MELTF: variants seen among roughly 807,000 people sequenced by gnomAD.
MELTF encodes antigen p97 (melanoma associated) identified by monoclonal antibodies 133.2 and 96.5.
Under a neutral mutation model 83.7 loss-of-function variants are expected in MELTF, and 67 were observed. The ratio of observed to expected loss-of-function variants is 0.80; its 90% CI spans 0.66 to 0.98. MELTF has a LOEUF of 0.98. MELTF is among the 50% of genes least tolerant of loss of function. The pLI, the probability that MELTF is intolerant of heterozygous loss-of-function variation, is 0.00. For synonymous variants in MELTF, 462 were observed against 447.6 expected (o/e 1.03, Z -0.41); for missense variants, 1,002 against 1,035.6 (o/e 0.97, Z 0.44).
At chr3:197,009,846 C>T (rs757960972) in intron 10 of MELTF, 34 bp from the exon 11 acceptor site, 10 of 1,587,158 alleles carry the variant, frequency 6.3e-6, no homozygotes, top group Non-Finnish European at 7.8e-6. Flanking sequence ...AGGGGCCCCT[C>T]ATCTGAGAGC....
Position 197,003,361 on chromosome 3 carries a change from G to T in MELTF, c.*11C>A, listed in dbSNP as rs1336737682. The T allele has an allele frequency of 1.9e-6, 2 of 1,072,516 alleles. No homozygotes were observed. The highest frequency in any genetic ancestry group is 3.4e-5 in the African/African-American group (2 of 58,628). 66.4% of individuals were successfully genotyped at this position (1,072,516 alleles called of 1,614,324 possible). ...GGCGGGCATCGGAGCTCTGGGGCGG[G>T]GCGGCCGGGCTCAGAGGGCGGGCGG... On this transcript the variant is annotated 3_prime_UTR_variant, in exon 16 of 16. Transcript: ENST00000296350. This position sits in a 1 kb window ranked among gnomAD's most constrained non-coding sequence, Gnocchi z 6.2.
intron 6 of MELTF, among the ~76,000 whole-genome samples, chr3:197,018,340 A>G (rs1719485667): frequency 6.7e-6 from 1 of 149,948 alleles, no homozygotes; most frequent in Admixed American, 6.7e-5. Flanking sequence ...TTTATTAGAG[A>G]TGGGGTTTTA....
chr3:197,018,787 G>A (rs1172723687), intron 6 of MELTF, among the ~76,000 whole-genome samples: 2 of 152,162 alleles, frequency 1.3e-5, no homozygotes, highest in East Asian at 3.8e-4. Context: ...ATAGTTGACA[G>A]GCAATTTTGC....
rs775947807 is a variant in MELTF at position 197,008,628 on chromosome 3, C to A, written c.1750+29G>T. On this transcript the variant is annotated intron_variant, in intron 13 of 15. Coordinates refer to ENST00000296350, the MANE Select transcript of MELTF (RefSeq NM_005929.6). The surrounding 1 kb of genome is among the most constrained non-coding windows in gnomAD (Gnocchi z 5.4). ...GATGGGGAACAGTCCCCCCGACCTA[C>A]CTTTGGCCCTGCTCTTGCCCCCACC... The A allele has an allele frequency of 1.2e-6, 2 of 1,608,350 alleles. No homozygotes were observed. The highest frequency in any genetic ancestry group is 1.7e-6 in the Non-Finnish European group (2 of 1,176,628).
chr3:197,007,505 C>A lies in MELTF; in HGVS notation c.1751-769G>T, dbSNP rs1364603165. On this transcript the variant is annotated intron_variant, in intron 13 of 15. Coordinates refer to ENST00000296350, the MANE Select transcript of MELTF (RefSeq NM_005929.6). This position sits in a 1 kb window ranked among gnomAD's most constrained non-coding sequence, Gnocchi z 4.3. ...CGGGTGACTCACTGCAAGTGAACCTCCCAAGGCCTCTCCAGCACCTGCCCG... is the reference window on the plus strand; with the variant it reads ...CGGGTGACTCACTGCAAGTGAACCTACCAAGGCCTCTCCAGCACCTGCCCG... Among the ~76,000 whole-genome samples the A allele has an allele frequency of 1.3e-5, 2 of 152,226 alleles. No individual in the cohort carries two copies. Among genetic ancestry groups the A allele is most frequent in the African/African-American group, 4.8e-5 (2 of 41,446 alleles).
chr3:197,006,466 G>A lies in MELTF; in HGVS notation c.1938+83C>T, dbSNP rs921602240. 3.0e-5 allele frequency: 39 copies of A among 1,287,272 alleles called. No homozygotes were observed. In the African/African-American group the frequency reaches 4.4e-4, roughly 14 times the overall value. 79.7% of individuals were successfully genotyped at this position (1,287,272 alleles called of 1,614,324 possible). ...GCTTCCTCAATTTCTCTAGAGGTCT[G>A]CTCCAGGTAGACTGAGGCCTCCCAG... On this transcript the variant is annotated intron_variant, in intron 14 of 15. Coordinates refer to ENST00000296350, the MANE Select transcript of MELTF (RefSeq NM_005929.6). The surrounding 1 kb of genome is among the most constrained non-coding windows in gnomAD (Gnocchi z 5.4).
rs530710201 is a variant in MELTF at position 197,029,420 on chromosome 3, C to T, written c.49+234G>A. 62 of 388,208 alleles carry T rather than the reference C, an allele frequency of 1.6e-4. No individual in the cohort carries two copies. In the East Asian group the frequency reaches 2.0e-3, roughly 12 times the overall value. The allele number at this position is 388,208 out of a possible 1,614,324, so 24.0% of individuals were successfully genotyped here. A position where few individuals can be genotyped will look rare whatever the true frequency, so the allele number is the denominator to read the frequency against. On this transcript the variant is annotated intron_variant, in intron 1 of 15. Coordinates refer to ENST00000296350, the MANE Select transcript of MELTF (RefSeq NM_005929.6). The surrounding 1 kb of genome is among the most constrained non-coding windows in gnomAD (Gnocchi z 6.5). ...CAGCCCGCGCTTCTCCTTGGAGCGT[C>T]GGAAGCCTCGGGTGTTCGAGGCCGC...
At chr3:197,014,383 G>GTTTTTTTTTTTTTTT (rs71623319) in intron 9 of MELTF, among the ~76,000 whole-genome samples, 1 of 101,052 alleles carries the variant, frequency 9.9e-6, no homozygotes, top group African/African-American at 4.1e-5. Flanking sequence ...AATAGGGAGA[G>GTTTTTTTTTTTTTTT]TTTTTTTTTT....
chr3:197,027,543 G>A (rs913451627), intron 2 of MELTF, among the ~76,000 whole-genome samples: 11 of 152,240 alleles, frequency 7.2e-5, no homozygotes, highest in African/African-American at 1.9e-4. Flanking sequence ...CTTTGCTGGC[G>A]CCCTCTGAGC....
rs1355274497 is a variant in MELTF at position 197,011,552 on chromosome 3, T to C, written c.1234-758A>G. ...CCAGGAAGGTGTCCCACGCCATTCC[T>C]GAAGAGGCATGAAGTGATGGCGGTT... On this transcript the variant is annotated intron_variant, in intron 9 of 15. Transcript: ENST00000296350. This position sits in a 1 kb window ranked among gnomAD's most constrained non-coding sequence, Gnocchi z 4.2. Among the ~76,000 whole-genome samples the C allele has an allele frequency of 6.6e-6, 1 of 152,204 alleles. No individual in the cohort carries two copies. Among genetic ancestry groups the C allele is most frequent in the Non-Finnish European group, 1.5e-5 (1 of 68,020 alleles).
chr3:197,006,626 G>C lies in MELTF; in HGVS notation c.1861C>G (p.Gln621Glu). Reference protein sequence around the residue: ...VSQFAACNLAQIPPHAVMVRP... With the variant: ...VSQFAACNLAEIPPHAVMVRP... ...ACCATCACGGCGTGGGGTGGTATCTGTGCCAGGTTGCAGGCTGCAAACTGG... is the reference window on the plus strand; with the variant it reads ...ACCATCACGGCGTGGGGTGGTATCTCTGCCAGGTTGCAGGCTGCAAACTGG... The change falls in exon 14 of 16, where the codon CAG (glutamine) becomes GAG (glutamate). Residue 621 changes from glutamine (Q) to glutamate (E), a missense_variant. Physicochemically the swap from Gln to Glu is conservative, Grantham distance 29. Transcript: ENST00000296350. The surrounding 1 kb of genome is among the most constrained non-coding windows in gnomAD (Gnocchi z 5.4). The C allele has an allele frequency of 6.2e-7, 1 of 1,612,950 alleles. No homozygotes were observed. Among genetic ancestry groups the C allele is most frequent in the South Asian group, 1.1e-5 (1 of 90,974 alleles).
rs141260750 is a variant in MELTF at position 197,008,846 on chromosome 3, T to C, written c.1645A>G (p.Ser549Gly). The C allele has an allele frequency of 7.7e-5, 124 of 1,614,030 alleles. No individual in the cohort carries two copies. The highest frequency in any genetic ancestry group is 1.0e-4 in the Non-Finnish European group (121 of 1,180,032). ...CGGTAGCCGTAATACCGCTCCTGGC[T>C]GTTGCCCACACACTTGTTGCGGCCC... is the stretch of plus-strand genomic sequence containing the variant. ...EQGRNKCVGN[S>G]QERYYGYRGA... Residue 549 changes from serine (S) to glycine (G), a missense_variant, in exon 12 of 16, where the codon AGC (serine) becomes GGC (glycine). Physicochemically the swap from Ser to Gly is moderately conservative, Grantham distance 56. Transcript: ENST00000296350. This position sits in a 1 kb window ranked among gnomAD's most constrained non-coding sequence, Gnocchi z 5.4.
At position 197,027,822 on chromosome 3, in the gene MELTF, C is replaced by T. The variant is rs762621747; in HGVS notation, c.138G>A (p.Ala46=). 77 of 1,611,072 alleles carry T rather than the reference C, an allele frequency of 4.8e-5. No homozygotes were observed. Among genetic ancestry groups the T allele is most frequent in the Non-Finnish European group, 5.4e-5 (64 of 1,179,186 alleles). Residue 46 remains alanine, a synonymous_variant, in exon 2 of 16, where the codon GCG becomes GCA. Coordinates refer to ENST00000296350, the MANE Select transcript of MELTF (RefSeq NM_005929.6). ...CGNMSEAFRE[A]GIQPSLLCVR... is the part of the protein sequence containing the mutation. ...CGCAGAGGAGGGAGGGCTGGATGCC[C>T]GCTTCCCGGAAGGCCTCGCTCATGT...
chr3:197,021,350 G>A, intron 6 of MELTF, 54 bp downstream of exon 6: 1 of 1,581,936 alleles, frequency 6.3e-7, no homozygotes. Context: ...CCTGCCCCAA[G>A]CCGGCCTGGC....
chr3:197,021,511 C>G, intron 5 of MELTF, 40 bp from the exon 6 acceptor site: 1 of 1,586,900 alleles, frequency 6.3e-7, no homozygotes, highest in South Asian at 1.1e-5. Context: ...GGCTGAGCCC[C>G]TGCCCCTGCC....
At chr3:197,012,525 C>T (rs2148582046) in intron 9 of MELTF, among the ~76,000 whole-genome samples, 1 of 152,392 alleles carries the variant, frequency 6.6e-6, no homozygotes, top group Non-Finnish European at 1.5e-5. Flanking sequence ...GGTTCCCTGG[C>T]CTGGGCAGAG....
At chr3:197,015,652 C>T in intron 8 of MELTF, 136 bp from the exon 9 acceptor site, 2 of 963,810 alleles carry the variant, frequency 2.1e-6, no homozygotes, top group Non-Finnish European at 3.0e-6. Context: ...CATCGGATCC[C>T]ACTTCCTCAC....
chr3:197,025,616 T>A (rs1719821426), intron 3 of MELTF: 1 of 152,480 alleles, frequency 6.6e-6, no homozygotes, highest in East Asian at 1.9e-4. Flanking sequence ...TGCATGCTTA[T>A]GACCAGCGGG....
At position 197,003,758 on chromosome 3, in the gene MELTF, C is replaced by A; in HGVS notation, c.2137+143G>T. 3.7e-6 allele frequency: 3 copies of A among 819,306 alleles called. No individual in the cohort carries two copies. The highest frequency in any genetic ancestry group is 1.8e-5 in the African/African-American group (1 of 57,132). 50.8% of individuals were successfully genotyped at this position (819,306 alleles called of 1,614,324 possible). A position where few individuals can be genotyped will look rare whatever the true frequency, so the allele number is the denominator to read the frequency against. ...CGGCCCGCAGCCTCCTGGCCAAAAT[C>A]CTCCCGGGACACCCCACCTGGACTG... On this transcript the variant is annotated intron_variant, in intron 15 of 15. Coordinates refer to ENST00000296350, the MANE Select transcript of MELTF (RefSeq NM_005929.6). The surrounding 1 kb of genome is among the most constrained non-coding windows in gnomAD (Gnocchi z 6.2).
Sources: allele counts gnomAD v4.1 joint callset (sites outside exome capture counted in the v4.1 genomes callset), GRCh38; gene constraint gnomAD v4.1.1; non-coding constraint Gnocchi (gnomAD v3.1); transcripts MANE v1.5; gene names NCBI Gene and HGNC (gene_info 2026-07-23, HGNC 2026-07-21).